The following CDH18 variants were observed in gnomAD, a reference collection of about 807,000 sequenced individuals.
The protein encoded by CDH18 is cadherin 18, also known as cadherin-18.
CDH18 carries 31 observed loss-of-function variants against 67.9 expected under a neutral mutation model. The ratio of observed to expected loss-of-function variants is 0.46; its 90% CI spans 0.34 to 0.62. The LOEUF (loss-of-function observed/expected upper bound fraction) is 0.62. Among genes scored for constraint, CDH18 ranks in the 20% least tolerant of loss-of-function variants. The pLI, the probability that CDH18 is intolerant of heterozygous loss-of-function variation, is 0.01. For missense variants in CDH18, 890 were observed against 975.5 expected, an observed-to-expected ratio of 0.91 and a Z score of 1.17; for synonymous variants, 362 against 347.2, an observed-to-expected ratio of 1.04 and a Z score of -0.48.
intron 1 of CDH18, among the ~76,000 whole-genome samples, chr5:19,985,240 T>C (rs1007606463): frequency 6.6e-6 from 1 of 152,078 alleles, no homozygotes; most frequent in Non-Finnish European, 1.5e-5. Context: ...TTGAAAACCA[T>C]TCATTATCAA....
intron 1 of CDH18, among the ~76,000 whole-genome samples, chr5:20,375,101 T>C (rs1262721146): frequency 3.3e-5 from 5 of 152,210 alleles, no homozygotes; most frequent in Non-Finnish European, 7.4e-5. Context: ...CACTTTGTAA[T>C]ATCATTAATT....
chr5:20,253,737 A>G (rs1744030421), intron 2 of CDH18, among the ~76,000 whole-genome samples: 1 of 152,226 alleles, frequency 6.6e-6, no homozygotes, highest in South Asian at 2.1e-4. Flanking sequence ...TCTCCAAGCA[A>G]TATGGGATTA....
At chr5:19,495,159 T>C (rs1030497591) in intron 11 of CDH18, among the ~76,000 whole-genome samples, 4 of 152,158 alleles carry the variant, frequency 2.6e-5, no homozygotes, top group African/African-American at 7.2e-5. Context: ...GGAGAGAAAC[T>C]TGGATTTGCT....
At chr5:20,213,163 C>A (rs766418131) in intron 2 of CDH18, among the ~76,000 whole-genome samples, 1 of 151,978 alleles carries the variant, frequency 6.6e-6, no homozygotes, top group Non-Finnish European at 1.5e-5. Flanking sequence ...AGGGTTATTA[C>A]GTAACTTACT....
At chr5:19,636,940 A>G (rs550831213) in intron 5 of CDH18, among the ~76,000 whole-genome samples, 12 of 152,084 alleles carry the variant, frequency 7.9e-5, no homozygotes, top group Non-Finnish European at 1.5e-4. Context: ...AAGTGGTTTG[A>G]TTCTTCTCTT....
At chr5:19,514,983 T>C (rs347717) in intron 10 of CDH18, among the ~76,000 whole-genome samples, 3,754 of 152,316 alleles carry the variant, frequency 0.025, 168 homozygotes, top group African/African-American at 0.085. Context: ...GTTTTAGGTC[T>C]AACATTTAAG....
At chr5:20,148,230 T>C (rs1169405385) in intron 2 of CDH18, among the ~76,000 whole-genome samples, 1 of 151,970 alleles carries the variant, frequency 6.6e-6, no homozygotes, top group African/African-American at 2.4e-5. Context: ...TAGCTGGGAC[T>C]ACAGACGCCC....
At chr5:19,512,704 G>C (rs1745307005) in intron 10 of CDH18, among the ~76,000 whole-genome samples, 1 of 151,918 alleles carries the variant, frequency 6.6e-6, no homozygotes, top group Non-Finnish European at 1.5e-5. Context: ...ATTATTAATG[G>C]GTGTTGAATT....
intron 3 of CDH18, among the ~76,000 whole-genome samples, chr5:19,777,671 G>C (rs186770074): frequency 2.0e-5 from 3 of 152,308 alleles, no homozygotes; most frequent in African/African-American, 7.2e-5. Context: ...AGTAGGTAAA[G>C]AATTGCCAAA....
At chr5:19,991,070 T>C (rs1799954503), upstream of CDH18, among the ~76,000 whole-genome samples, 1 of 152,184 alleles carries the variant, frequency 6.6e-6, no homozygotes, top group Non-Finnish European at 1.5e-5. Context: ...CTGGTCAGAC[T>C]ATAGAAACTG....
chr5:20,083,310 T>C (rs551957377), intron 2 of CDH18, among the ~76,000 whole-genome samples: 6 of 152,356 alleles, frequency 3.9e-5, no homozygotes, highest in Admixed American at 3.3e-4. Flanking sequence ...TTATAGGTCA[T>C]GAAGACAGGC....
At chr5:20,408,669 G>C in intron 1 of CDH18, among the ~76,000 whole-genome samples, 1 of 151,582 alleles carries the variant, frequency 6.6e-6, no homozygotes, top group Middle Eastern at 3.2e-3. Flanking sequence ...TATAAGAGGG[G>C]AAAAAAGTGC....
At chr5:20,141,916 T>C (rs917008168) in intron 2 of CDH18, among the ~76,000 whole-genome samples, 1 of 151,906 alleles carries the variant, frequency 6.6e-6, no homozygotes, top group Non-Finnish European at 1.5e-5. Flanking sequence ...GTATTAATAT[T>C]AAGAGTAAAA....
rs182645740 is a variant in CDH18, at chr5:20,021,436, C to G, written c.-517-29422G>C. On this transcript the variant is annotated intron_variant, in intron 2 of 14. Transcript: ENST00000507958. ...TGGATTTGTGTCTCCATCCTAATCT[C>G]AAATTGGACTATAATCCCCAATGTT... Among the ~76,000 whole-genome samples, 3 of 152,188 alleles carry G rather than the reference C, an allele frequency of 2.0e-5. No individual in the cohort carries two copies. The East Asian group carries it at 5.8e-4, about 30-fold the overall frequency.
chr5:20,340,425 C>T (rs73056779), intron 1 of CDH18, among the ~76,000 whole-genome samples: 8,180 of 152,176 alleles, frequency 0.054, 703 homozygotes, highest in African/African-American at 0.18. Context: ...GCCTATAAAA[C>T]CCAGGAGTCC....
chr5:20,002,390 G>A (rs62354673), intron 2 of CDH18, among the ~76,000 whole-genome samples: 375 of 152,218 alleles, frequency 2.5e-3, no homozygotes, highest in Non-Finnish European at 4.3e-3. Flanking sequence ...CCACTTATTT[G>A]GTTCATTGCC....
At chr5:19,845,713 G>GT (rs567705400) in intron 2 of CDH18, among the ~76,000 whole-genome samples, 2,754 of 149,210 alleles carry the variant, frequency 0.018, 39 homozygotes, top group Non-Finnish European at 0.028. Context: ...ATTTATAATT[G>GT]TTTTTTTTCT....
chr5:19,580,346 T>C (rs1743040464), intron 7 of CDH18, among the ~76,000 whole-genome samples: 1 of 151,938 alleles, frequency 6.6e-6, no homozygotes, highest in Non-Finnish European at 1.5e-5. Flanking sequence ...AAGGCAAACC[T>C]ATATCATTAA....
chr5:19,542,827 A>G (rs1432419680), intron 9 of CDH18, among the ~76,000 whole-genome samples: 1 of 152,038 alleles, frequency 6.6e-6, no homozygotes, highest in African/African-American at 2.4e-5. Flanking sequence ...ATGTTTTGAA[A>G]TTGGTTATGG....
Sources: allele counts gnomAD v4.1 joint callset (sites outside exome capture counted in the v4.1 genomes callset), GRCh38; gene constraint gnomAD v4.1.1; transcripts MANE v1.5; gene names NCBI Gene and HGNC (gene_info 2026-07-23, HGNC 2026-07-21).